Variants in STRN3 observed in about 807,000 individuals in gnomAD.
STRN3 encodes the protein striatin 3, also known as striatin-3.
Under a neutral mutation model 95.6 loss-of-function variants are expected in STRN3, and 29 were observed. The observed-to-expected ratio is 0.30, with a 90% CI of 0.23 to 0.41. The LOEUF (loss-of-function observed/expected upper bound fraction) is 0.41, where lower values mean the gene tolerates loss of function less well. Among genes scored for constraint, STRN3 ranks in the 10% least tolerant of loss-of-function variants. STRN3 has a pLI of 1.00. For missense variants in STRN3, 890 were observed against 972.1 expected (o/e 0.92, Z 1.12); for synonymous variants, 331 against 357.6 (o/e 0.93, Z 0.84).
At chr14:30,995,426 T>C (rs1412668749) in intron 1 of STRN3, among the ~76,000 whole-genome samples, 1 of 152,324 alleles carries the variant, frequency 6.6e-6, no homozygotes, top group Middle Eastern at 3.4e-3. Flanking sequence ...TTGTCACTAA[T>C]AGCTTCATAA....
At position 31,026,351 on chromosome 14, in the gene STRN3, C is replaced by G; in HGVS notation, c.-166G>C. 1 of 572,716 alleles carries G rather than the reference C, an allele frequency of 1.7e-6. No homozygotes were observed. 35.5% of individuals were successfully genotyped at this position (572,716 alleles called of 1,614,324 possible). A position where few individuals can be genotyped will look rare whatever the true frequency, so the allele number is the denominator to read the frequency against. ...GTGGGTCAGAGCAGGGAGCTGCCGG[C>G]TGCCGCCATTACAATCCCTCCTCCA... is the stretch of plus-strand genomic sequence containing the variant. On this transcript the variant is annotated 5_prime_UTR_variant, in exon 1 of 18. Coordinates refer to ENST00000357479, the MANE Select transcript of STRN3 (RefSeq NM_001083893.2).
intron 6 of STRN3, 30 bp downstream of exon 6, chr14:30,936,465 G>A (rs1413185532): frequency 3.1e-6 from 5 of 1,599,310 alleles, no homozygotes; most frequent in Middle Eastern, 1.7e-4. Context: ...TGAATATATA[G>A]CTAATAAGAA....
At chr14:30,917,277 A>G (rs1896764015) in intron 9 of STRN3, among the ~76,000 whole-genome samples, 1 of 152,180 alleles carries the variant, frequency 6.6e-6, no homozygotes, top group African/African-American at 2.4e-5. Flanking sequence ...TCACTGACCT[A>G]TATTCTTTCT....
chr14:30,905,489 G>A lies in STRN3; in HGVS notation c.1958C>T (p.Thr653Ile). 6.2e-7 allele frequency: 1 copy of A among 1,610,370 alleles called. No homozygotes were observed. Among genetic ancestry groups the A allele is most frequent in the Non-Finnish European group, 8.5e-7 (1 of 1,178,506 alleles). ...TAAATCATAAATTACTGCACTACCA[G>A]TGTTGAAAGAGGTTACCATATGAGC... ...DPAHMVTSFN[T>I]GSAVIYDLET... The change falls in exon 15 of 18, where the codon ACT becomes ATT. Residue 653 changes from threonine to isoleucine, a missense_variant. Thr to Ile is a moderately conservative substitution (Grantham distance 89). Transcript: ENST00000357479.
intron 4 of STRN3, among the ~76,000 whole-genome samples, chr14:30,949,322 A>G (rs1454225642): frequency 1.3e-5 from 2 of 152,190 alleles, no homozygotes; most frequent in Non-Finnish European, 2.9e-5. Context: ...GTTTAAATAC[A>G]TTTACAGAGG....
At chr14:31,006,458 G>A (rs943891244) in intron 1 of STRN3, among the ~76,000 whole-genome samples, 3 of 152,070 alleles carry the variant, frequency 2.0e-5, no homozygotes, top group Non-Finnish European at 4.4e-5. Flanking sequence ...CACTTTGGGA[G>A]GCCGGGGCAG....
intron 1 of STRN3, among the ~76,000 whole-genome samples, chr14:30,970,870 A>C (rs964804947): frequency 6.6e-6 from 1 of 152,270 alleles, no homozygotes; most frequent in Non-Finnish European, 1.5e-5. Flanking sequence ...AGGGAGGCCC[A>C]GGTTGTCCCC....
chr14:30,914,106 C>T (rs1055640577), intron 9 of STRN3, among the ~76,000 whole-genome samples: 24 of 152,110 alleles, frequency 1.6e-4, no homozygotes, highest in African/African-American at 9.7e-5. Context: ...AATAGGTTGT[C>T]ACCAAGTCCT....
chr14:30,940,950 G>T (rs1384992132), intron 5 of STRN3, among the ~76,000 whole-genome samples: 1 of 152,064 alleles, frequency 6.6e-6, no homozygotes, highest in African/African-American at 2.4e-5. Context: ...GGTATTAAGA[G>T]GTGGGCCTTT....
intron 1 of STRN3, among the ~76,000 whole-genome samples, chr14:30,976,324 G>A (rs1490671344): frequency 6.6e-6 from 1 of 152,130 alleles, no homozygotes; most frequent in Non-Finnish European, 1.5e-5. Flanking sequence ...GATAAAGAGG[G>A]ATATTACATA....
intron 1 of STRN3, among the ~76,000 whole-genome samples, chr14:30,984,333 G>T: frequency 6.8e-6 from 1 of 146,856 alleles, no homozygotes; most frequent in African/African-American, 2.5e-5. Flanking sequence ...GAACCCAAGA[G>T]GCAGAGACTG....
chr14:30,984,143 C>T (rs1187520314), intron 1 of STRN3, among the ~76,000 whole-genome samples: 1 of 138,832 alleles, frequency 7.2e-6, no homozygotes, highest in African/African-American at 2.6e-5. Context: ...CCCAACCCCC[C>T]CCCACACACA....
intron 7 of STRN3, among the ~76,000 whole-genome samples, chr14:30,929,979 A>AAAACAAAAAAAAAAAC (rs1566441550): frequency 4.6e-4 from 68 of 147,424 alleles, no homozygotes; most frequent in Admixed American, 8.2e-4. Context: ...AAAAAAAAAA[A>AAAACAAAAAAAAAAAC]CTCAAATTCC....
chr14:30,903,458 A>T (rs1320866369), intron 15 of STRN3, among the ~76,000 whole-genome samples: 1 of 152,124 alleles, frequency 6.6e-6, no homozygotes, highest in Non-Finnish European at 1.5e-5. Context: ...CTGGAGTGCA[A>T]TGGTGCAATC....
At chr14:30,906,229 T>C (rs1057235492) in intron 14 of STRN3, among the ~76,000 whole-genome samples, 2 of 152,158 alleles carry the variant, frequency 1.3e-5, no homozygotes, top group African/African-American at 4.8e-5. Context: ...TGAAAATTAG[T>C]ACAATCACTA....
intron 7 of STRN3, chr14:30,932,481 A>C (rs1033338076): frequency 3.9e-5 from 6 of 152,172 alleles, no homozygotes; most frequent in African/African-American, 1.4e-4. Context: ...ACAAAAATAA[A>C]CTATTTGAAC....
chr14:30,917,456 A>G (rs745948309), intron 9 of STRN3, among the ~76,000 whole-genome samples: 2 of 152,184 alleles, frequency 1.3e-5, no homozygotes, highest in Non-Finnish European at 2.9e-5. Flanking sequence ...CCTGCACTTT[A>G]AATGTACATT....
At chr14:30,955,785 T>C in intron 2 of STRN3, 92 bp from the exon 3 acceptor site, 2 of 1,015,976 alleles carry the variant, frequency 2.0e-6, no homozygotes, top group Non-Finnish European at 1.4e-6. Flanking sequence ...ATAATATGAA[T>C]GTCTGCTTCT....
intron 1 of STRN3, among the ~76,000 whole-genome samples, chr14:30,993,215 A>G (rs960847985): frequency 7.1e-6 from 1 of 140,820 alleles, no homozygotes; most frequent in African/African-American, 2.7e-5. Flanking sequence ...TGATCCCACC[A>G]CTCCCTTACA....
Sources: allele counts gnomAD v4.1 joint callset (sites outside exome capture counted in the v4.1 genomes callset), GRCh38; gene constraint gnomAD v4.1.1; transcripts MANE v1.5; gene names NCBI Gene and HGNC (gene_info 2026-07-23, HGNC 2026-07-21).